The following FRS2 variants were observed in gnomAD, a reference collection of about 807,000 sequenced individuals.
FRS2 encodes fibroblast growth factor receptor substrate 2, also known as FGFR signalling adaptor.
FRS2 carries 8 observed loss-of-function variants against 43.9 expected under a neutral mutation model. That is an observed-to-expected ratio of 0.18 (90% CI 0.11 to 0.33). The LOEUF is 0.33. Ranked by LOEUF, FRS2 falls within the 10% of genes least tolerant of loss-of-function variation. FRS2 has a pLI of 1.00. For synonymous variants in FRS2, 219 were observed against 220.3 expected (o/e 0.99, Z 0.05); for missense variants, 534 against 627.6 (o/e 0.85, Z 1.59).
At chr12:69,556,836 A>G (rs1185934046) in intron 3 of FRS2, among the ~76,000 whole-genome samples, 1 of 152,272 alleles carries the variant, frequency 6.6e-6, no homozygotes, top group Non-Finnish European at 1.5e-5. Context: ...AAATAAAGCC[A>G]TGAAGCCAAA....
At chr12:69,532,873 T>A (rs1876941650) in intron 3 of FRS2, among the ~76,000 whole-genome samples, 1 of 152,234 alleles carries the variant, frequency 6.6e-6, no homozygotes, top group Non-Finnish European at 1.5e-5. Flanking sequence ...CCCGCCATCC[T>A]TTTTAAAAAC....
At position 69,574,085 on chromosome 12, in the gene FRS2, G is replaced by A. The variant is rs754036124; in HGVS notation, c.657G>A (p.Arg219=). The A allele has an allele frequency of 1.2e-6, 2 of 1,614,202 alleles. No homozygotes were observed. Among genetic ancestry groups the A allele is most frequent in the East Asian group, 2.2e-5 (1 of 44,892 alleles). The change falls in exon 9 of 9, where the codon AGG becomes AGA. Residue 219 remains arginine, a synonymous_variant. Transcript: ENST00000549921. ...GTGTGCATGTTCCATTGGAGGCGAG[G>A]GTTTCTAACGCTGAAAGCAGCACAC... ...RTSVHVPLEA[R]VSNAESSTPK...
At chr12:69,509,316 T>G (rs1327468838) in intron 1 of FRS2, among the ~76,000 whole-genome samples, 1 of 152,182 alleles carries the variant, frequency 6.6e-6, no homozygotes, top group African/African-American at 2.4e-5. Flanking sequence ...AGGCCACTTA[T>G]AAGAATTTTC....
intron 3 of FRS2, 102 bp from the exon 4 acceptor site, chr12:69,562,074 AGTTT>A: frequency 2.5e-6 from 1 of 393,086 alleles, no homozygotes; most frequent in Non-Finnish European, 4.5e-6. Context: ...TAGACTTTTG[AGTTT>A]GTTTAAATAG....
chr12:69,506,668 C>G (rs1873961470), intron 1 of FRS2, among the ~76,000 whole-genome samples: 1 of 152,118 alleles, frequency 6.6e-6, no homozygotes, highest in Admixed American at 6.5e-5. Context: ...TCTTCCCCTT[C>G]TCTAAATTTA....
At chr12:69,557,344 A>G (rs1175802808) in intron 3 of FRS2, among the ~76,000 whole-genome samples, 1 of 152,232 alleles carries the variant, frequency 6.6e-6, no homozygotes, top group Admixed American at 6.5e-5. Flanking sequence ...ATGAGATCAA[A>G]TCTATTCATT....
chr12:69,470,558 C>T, intron 1 of FRS2, 28 bp downstream of exon 1: 1 of 398,426 alleles, frequency 2.5e-6, no homozygotes. Flanking sequence ...CGGACTGGGA[C>T]GGCCGCGGGC....
At chr12:69,561,364 T>G (rs1030070941) in intron 3 of FRS2, among the ~76,000 whole-genome samples, 2 of 152,298 alleles carry the variant, frequency 1.3e-5, no homozygotes, top group Admixed American at 6.5e-5. Flanking sequence ...GGTACATGGT[T>G]TTGGAAATGT....
intron 8 of FRS2, among the ~76,000 whole-genome samples, chr12:69,572,956 A>G (rs1194057087): frequency 6.6e-6 from 1 of 152,072 alleles, no homozygotes; most frequent in Non-Finnish European, 1.5e-5. Flanking sequence ...TCAGCCTCCC[A>G]GGTAGCTGGG....
intron 1 of FRS2, among the ~76,000 whole-genome samples, chr12:69,522,234 GTGTC>G (rs59681660): frequency 2.7e-4 from 39 of 146,066 alleles, no homozygotes; most frequent in South Asian, 8.7e-4. Context: ...GTGTGTGTGT[GTGTC>G]TCTGCCAGGT....
In FRS2 at chr12:69,576,848, C is replaced by T. The variant is rs1274544102; in HGVS notation, c.*1893C>T. ...TGCTTATTAAAGTGCTCACTGTTCT[C>T]TTAAAAGAGAGCAGTGGTATAGGTG... On this transcript the variant is annotated 3_prime_UTR_variant, in exon 9 of 9. Transcript: ENST00000549921. 6.6e-6 allele frequency: 1 copy of T among 152,614 alleles called. No individual in the cohort carries two copies. Among genetic ancestry groups the T allele is most frequent in the East Asian group, 1.9e-4 (1 of 5,200 alleles). 9.5% of individuals were successfully genotyped at this position (152,614 alleles called of 1,614,324 possible). A position where few individuals can be genotyped will look rare whatever the true frequency, so the allele number is the denominator to read the frequency against.
At chr12:69,476,334 T>A (rs1870769492) in intron 1 of FRS2, among the ~76,000 whole-genome samples, 1 of 152,164 alleles carries the variant, frequency 6.6e-6, no homozygotes, top group Non-Finnish European at 1.5e-5. Context: ...TAAGACTGTG[T>A]TTCTCAACCA....
chr12:69,479,857 G>A lies in FRS2; in HGVS notation c.-261+9327G>A, dbSNP rs543266084. ...ATTAGTGTCTTTCAACAATTTTGGAGAATTTTTGGCCTTTTTCTTAAATTT... is the reference window on the plus strand; with the variant it reads ...ATTAGTGTCTTTCAACAATTTTGGAAAATTTTTGGCCTTTTTCTTAAATTT... On this transcript the variant is annotated intron_variant, in intron 1 of 8. Coordinates refer to ENST00000549921, the MANE Select transcript of FRS2 (RefSeq NM_001278356.2). Among the ~76,000 whole-genome samples, 12 of 152,234 alleles carry A rather than the reference G, an allele frequency of 7.9e-5. No individual in the cohort carries two copies. The South Asian group carries it at 8.3e-4, about 11-fold the overall frequency.
chr12:69,474,418 A>G (rs962980122), intron 1 of FRS2, among the ~76,000 whole-genome samples: 2 of 127,168 alleles, frequency 1.6e-5, no homozygotes, highest in African/African-American at 5.8e-5. Flanking sequence ...GAGAATGTAG[A>G]GGGGAAAGAA....
chr12:69,535,905 TAAG>T (rs1877225675), intron 3 of FRS2, among the ~76,000 whole-genome samples: 1 of 152,072 alleles, frequency 6.6e-6, no homozygotes, highest in Non-Finnish European at 1.5e-5. Flanking sequence ...ACATTAATAA[TAAG>T]CCAAAATAAT....
intron 1 of FRS2, among the ~76,000 whole-genome samples, chr12:69,479,532 G>C (rs756190559): frequency 3.3e-5 from 5 of 151,604 alleles, no homozygotes; most frequent in Admixed American, 1.3e-4. Flanking sequence ...TGAGTAGCTG[G>C]GATTACAGGT....
In FRS2 at chr12:69,574,231, T is replaced by A; in HGVS notation, c.803T>A (p.Leu268Gln). The A allele has an allele frequency of 6.2e-7, 1 of 1,614,134 alleles. No individual in the cohort carries two copies. The change falls in exon 9 of 9, where the codon CTG becomes CAG. Residue 268 changes from leucine to glutamine, a missense_variant. Leu to Gln is a moderately radical substitution (Grantham distance 113, BLOSUM62 -2). This residue lies in a region of FRS2 where 446 missense variants were observed against 494.2 expected (regional missense o/e 0.90). Transcript: ENST00000549921. ...AAGCAGTTAATGGAAAAAGAGAAAC[T>A]GGAGCAACTTGGAAGAGATCAAGTT... The part of the protein sequence containing the change: ...VQKQLMEKEK[L>Q]EQLGRDQVSG...
chr12:69,518,713 T>TAA (rs71094718), intron 1 of FRS2, among the ~76,000 whole-genome samples: 1 of 143,494 alleles, frequency 7.0e-6, no homozygotes. Flanking sequence ...AACCCTGTCT[T>TAA]AAAAAAAAAA....
chr12:69,574,450 A>G lies in FRS2; in HGVS notation c.1022A>G (p.Gln341Arg). 1 of 1,613,606 alleles carries G rather than the reference A, an allele frequency of 6.2e-7. No homozygotes were observed. The highest frequency in any genetic ancestry group is 8.5e-7 in the Non-Finnish European group (1 of 1,179,468). ...SDTQNINNSA[Q>R]RRTALLNYEN... is the part of the protein sequence containing the mutation. ...ACCCAGAATATCAACAACTCAGCTC[A>G]GAGAAGAACTGCATTATTAAACTAT... Residue 341 changes from glutamine to arginine, a missense_variant, in exon 9 of 9, where the codon CAG (glutamine) becomes CGG (arginine). This residue lies in a region of FRS2 where 446 missense variants were observed against 494.2 expected (regional missense o/e 0.90). Coordinates refer to ENST00000549921, the MANE Select transcript of FRS2 (RefSeq NM_001278356.2).
Sources: allele counts gnomAD v4.1 joint callset (sites outside exome capture counted in the v4.1 genomes callset), GRCh38; gene constraint gnomAD v4.1.1; regional missense constraint gnomAD v4.1.1; transcripts MANE v1.5; gene names NCBI Gene and HGNC (gene_info 2026-07-23, HGNC 2026-07-21).